MALRD1: variants seen among roughly 807,000 people sequenced by gnomAD.
MALRD1 encodes the protein MAM and LDL-receptor class A domain-containing protein 1.
A neutral mutation model predicts 242.1 loss-of-function variants in MALRD1; 247 were observed. That is an observed-to-expected ratio of 1.02 (90% CI 0.92 to 1.13). The LOEUF (loss-of-function observed/expected upper bound fraction) is 1.13, where lower values mean the gene tolerates loss of function less well. MALRD1 is among the 50% of genes most tolerant of loss of function. The pLI is 0.00. For missense variants in MALRD1, 2,989 were observed against 2,533.1 expected (o/e 1.18, Z -3.86); for synonymous variants, 995 against 866.6 (o/e 1.15, Z -2.60).
intron 36 of MALRD1, among the ~76,000 whole-genome samples, chr10:19,681,762 A>C (rs118139103): frequency 2.7e-5 from 4 of 150,182 alleles, no homozygotes. Context: ...AGTTTTCTGC[A>C]TTTTTTCGTT....
chr10:19,140,828 T>A (rs2131425046), intron 10 of MALRD1, among the ~76,000 whole-genome samples: 1 of 152,220 alleles, frequency 6.6e-6, no homozygotes, highest in East Asian at 1.9e-4. Context: ...AAGATACAAA[T>A]TTTCACTTAC....
At chr10:19,396,664 C>G (rs1261198314) in intron 28 of MALRD1, among the ~76,000 whole-genome samples, 1 of 152,162 alleles carries the variant, frequency 6.6e-6, no homozygotes, top group Non-Finnish European at 1.5e-5. Flanking sequence ...TTAAAATATT[C>G]TAATACTCAG....
rs570873537 is a variant in MALRD1 at position 19,337,839 on chromosome 10, G to T, written c.3901+6257G>T. 7.7e-4 allele frequency among the ~76,000 whole-genome samples: 117 copies of T among 152,074 alleles called. 1 individual carries two copies. Among genetic ancestry groups the T allele is most frequent in the African/African-American group, 2.8e-3 (115 of 41,484 alleles). ...GCACTTTGGGAGGCCAAGGTGGGTG[G>T]ATCATGAGGTCAGGAGATCAAGACC... On this transcript the variant is annotated intron_variant, in intron 24 of 39. Coordinates refer to ENST00000454679, the MANE Select transcript of MALRD1 (RefSeq NM_001142308.3).
In MALRD1 at chr10:19,242,610, G is replaced by A. The variant is rs140820183; in HGVS notation, c.2992-15074G>A. On this transcript the variant is annotated intron_variant, in intron 18 of 39. Transcript: ENST00000454679. ...ATCTGGTTGTTCTGGTGTTGGGTACGTATATAGTTACACCTAAGTAATATA... is the reference window on the plus strand; with the variant it reads ...ATCTGGTTGTTCTGGTGTTGGGTACATATATAGTTACACCTAAGTAATATA... Among the ~76,000 whole-genome samples, 10 of 152,056 alleles carry A rather than the reference G, an allele frequency of 6.6e-5. No homozygotes were observed. In the East Asian group the frequency reaches 9.7e-4, roughly 15 times the overall value.
At chr10:19,196,851 C>A (rs1836284522) in intron 14 of MALRD1, among the ~76,000 whole-genome samples, 1 of 152,128 alleles carries the variant, frequency 6.6e-6, no homozygotes, top group Admixed American at 6.5e-5. Flanking sequence ...CATACTACAC[C>A]TTTGATATCA....
intron 10 of MALRD1, among the ~76,000 whole-genome samples, chr10:19,140,244 C>G (rs1390161497): frequency 6.6e-6 from 1 of 151,990 alleles, no homozygotes; most frequent in Non-Finnish European, 1.5e-5. Flanking sequence ...GAATTTTTCC[C>G]AGCTGCACAA....
intron 4 of MALRD1, among the ~76,000 whole-genome samples, chr10:19,095,636 G>A (rs1269087197): frequency 6.6e-6 from 1 of 152,126 alleles, no homozygotes; most frequent in East Asian, 1.9e-4. Flanking sequence ...GGTATGGGGA[G>A]GGGATACTAT....
intron 18 of MALRD1, among the ~76,000 whole-genome samples, chr10:19,226,214 C>T (rs1837793444): frequency 6.6e-6 from 1 of 151,748 alleles, no homozygotes; most frequent in Non-Finnish European, 1.5e-5. Flanking sequence ...ACCATGCTGA[C>T]AGAAAAAAGA....
intron 18 of MALRD1, among the ~76,000 whole-genome samples, chr10:19,231,012 T>A (rs1474685690): frequency 2.6e-5 from 4 of 152,284 alleles, no homozygotes; most frequent in Non-Finnish European, 4.4e-5. Flanking sequence ...CCCTCAAAAC[T>A]GAAGTTTGCC....
At position 19,585,834 on chromosome 10, in the gene MALRD1, T is replaced by C. The variant is rs1837363705; in HGVS notation, c.5681-9360T>C. On this transcript the variant is annotated intron_variant, in intron 33 of 39. Transcript: ENST00000454679. ...CCTGCAGAGTGTTTTCCAACTTGGT[T>C]CCATTCTCCCTGTCACTTTCAGGTA... Among the ~76,000 whole-genome samples the C allele has an allele frequency of 3.9e-5, 6 of 152,202 alleles. No individual in the cohort carries two copies. In the South Asian group the frequency reaches 1.2e-3, roughly 32 times the overall value.
chr10:19,609,013 A>G (rs2131594808), intron 35 of MALRD1, among the ~76,000 whole-genome samples: 1 of 152,208 alleles, frequency 6.6e-6, no homozygotes, highest in Non-Finnish European at 1.5e-5. Flanking sequence ...ACCCAAACTT[A>G]TTTACATAAA....
At chr10:19,338,883 A>T (rs1360630334) in intron 24 of MALRD1, among the ~76,000 whole-genome samples, 1 of 150,248 alleles carries the variant, frequency 6.7e-6, no homozygotes, top group African/African-American at 2.4e-5. Context: ...ACACACACAC[A>T]CGCACATATA....
At chr10:19,477,722 A>T (rs1181762235) in intron 29 of MALRD1, among the ~76,000 whole-genome samples, 4 of 152,212 alleles carry the variant, frequency 2.6e-5, no homozygotes, top group African/African-American at 7.2e-5. Flanking sequence ...ACCAGATTTC[A>T]TAGATAAGCT....
At chr10:19,200,072 G>A (rs1354716521) in intron 14 of MALRD1, among the ~76,000 whole-genome samples, 1 of 152,168 alleles carries the variant, frequency 6.6e-6, no homozygotes, top group Non-Finnish European at 1.5e-5. Flanking sequence ...AGGCTGCCAT[G>A]AGCTGAGGTC....
chr10:19,168,365 A>T (rs938706863), intron 13 of MALRD1, among the ~76,000 whole-genome samples: 1 of 152,194 alleles, frequency 6.6e-6, no homozygotes, highest in Non-Finnish European at 1.5e-5. Flanking sequence ...AATTGTTTTC[A>T]TTCGGTTTGC....
chr10:19,236,692 T>G (rs976476715), intron 18 of MALRD1, among the ~76,000 whole-genome samples: 1 of 152,152 alleles, frequency 6.6e-6, no homozygotes, highest in Non-Finnish European at 1.5e-5. Flanking sequence ...TATAGAAAAT[T>G]TGTCTTTAAT....
chr10:19,123,506 T>C lies in MALRD1; in HGVS notation c.709T>C (p.Cys237Arg), dbSNP rs1479720773. The C allele has an allele frequency of 8.1e-7, 1 of 1,233,460 alleles. No individual in the cohort carries two copies. Among genetic ancestry groups the C allele is most frequent in the Non-Finnish European group, 1.0e-6 (1 of 987,742 alleles). 76.4% of individuals were successfully genotyped at this position (1,233,460 alleles called of 1,614,324 possible). Reference sequence around the variant, plus strand: ...AAATTTAACAGATGGAATTTTACTGTGTCAAGAAGCATTGAATGCTGAGCG... The same window carrying C: ...AAATTTAACAGATGGAATTTTACTGCGTCAAGAAGCATTGAATGCTGAGCG... ...CLPANDGILL[C>R]QEALNAEREL... is the part of the protein sequence containing the mutation. Residue 237 changes from cysteine to arginine, a missense_variant, in exon 6 of 40, where the codon TGT becomes CGT. Cys to Arg is a radical substitution (Grantham distance 180). Coordinates refer to ENST00000454679, the MANE Select transcript of MALRD1 (RefSeq NM_001142308.3).
intron 33 of MALRD1, among the ~76,000 whole-genome samples, chr10:19,586,129 A>G (rs1837381489): frequency 6.6e-6 from 1 of 152,086 alleles, no homozygotes; most frequent in Admixed American, 6.6e-5. Context: ...ACATTCTTCT[A>G]AATTTTTTTC....
chr10:19,475,366 G>A (rs1032527552), intron 29 of MALRD1, among the ~76,000 whole-genome samples: 5 of 152,308 alleles, frequency 3.3e-5, no homozygotes, highest in African/African-American at 1.2e-4. Context: ...AGTGAGCTGA[G>A]ATTGCATCAC....
Sources: gnomAD v4.1 joint callset for allele counts (sites outside exome capture counted in the v4.1 genomes callset) on GRCh38, gnomAD v4.1.1 for gene constraint, MANE v1.5 for transcripts, NCBI Gene and HGNC (gene_info 2026-07-23, HGNC 2026-07-21) for gene names.